The following ATP8B1 variants were observed in gnomAD, a reference collection of about 807,000 sequenced individuals.
ATP8B1 encodes phospholipid-transporting ATPase IC.
In ATP8B1, 80 loss-of-function variants were observed where a neutral mutation model predicts 149.9. That is an observed-to-expected ratio of 0.53 (90% CI 0.45 to 0.64). The LOEUF (loss-of-function observed/expected upper bound fraction) is 0.64, where lower values mean the gene tolerates loss of function less well. Ranked by LOEUF, ATP8B1 falls within the 30% of genes least tolerant of loss-of-function variation. The pLI is 0.00. For missense variants in ATP8B1, 1,247 were observed against 1,552.6 expected (o/e 0.80, Z 3.31); for synonymous variants, 536 against 562.8 (o/e 0.95, Z 0.67).
chr18:57,776,898 A>G (rs1357920320), intron 1 of ATP8B1, among the ~76,000 whole-genome samples: 1 of 152,030 alleles, frequency 6.6e-6, no homozygotes, highest in African/African-American at 2.4e-5. Flanking sequence ...GATGTCTTCA[A>G]TACTCCAGAT....
At chr18:57,674,386 C>T (rs371206309) in intron 16 of ATP8B1, among the ~76,000 whole-genome samples, 36 of 128,366 alleles carry the variant, frequency 2.8e-4, no homozygotes, top group East Asian at 4.7e-4. Context: ...ATACCAGTTT[C>T]TTTTTTTTTT....
chr18:57,702,765 G>A (rs1913190782), intron 4 of ATP8B1, among the ~76,000 whole-genome samples: 1 of 151,762 alleles, frequency 6.6e-6, no homozygotes, highest in African/African-American at 2.4e-5. Context: ...GCTGAGGCAG[G>A]AGAATAGCTT....
rs150656927 is a variant in ATP8B1, at chr18:57,783,830, G to C, written c.-26+19168C>G. Among the ~76,000 whole-genome samples the C allele has an allele frequency of 6.1e-3, 917 of 151,354 alleles. 8 individuals carry two copies. The highest frequency in any genetic ancestry group is 0.018 in the African/African-American group (758 of 41,160). On this transcript the variant is annotated intron_variant, in intron 1 of 27. Coordinates refer to ENST00000648908, the MANE Select transcript of ATP8B1 (RefSeq NM_001374385.1). ...AGCCTGGGTGGCAGAGTGAGACCCC[G>C]TCTTAAAAAAAAAATAAAAATAATA...
chr18:57,739,297 C>T (rs1411602994), intron 1 of ATP8B1, among the ~76,000 whole-genome samples: 1 of 152,124 alleles, frequency 6.6e-6, no homozygotes, highest in Non-Finnish European at 1.5e-5. Flanking sequence ...CATGCCTGGC[C>T]AATTTCTTAT....
intron 15 of ATP8B1, among the ~76,000 whole-genome samples, 161 bp from the exon 16 acceptor site, chr18:57,675,183 T>G (rs1911520864): frequency 6.6e-6 from 1 of 152,252 alleles, no homozygotes; most frequent in Admixed American, 6.5e-5. Flanking sequence ...ATGCCAAGAT[T>G]AAAACTTCTT....
At position 57,688,433 on chromosome 18, in the gene ATP8B1, G is replaced by A. The variant is rs1912367709; in HGVS notation, c.1295C>T (p.Thr432Ile). 1 of 1,614,200 alleles carries A rather than the reference G, an allele frequency of 6.2e-7. No homozygotes were observed. The highest frequency in any genetic ancestry group is 8.5e-7 in the Non-Finnish European group (1 of 1,180,042). Residue 432 changes from threonine to isoleucine, a missense_variant, in exon 13 of 28, where the codon ACA becomes ATA. By Grantham distance (89) the Thr-to-Ile change is moderately conservative. Coordinates refer to ENST00000648908, the MANE Select transcript of ATP8B1 (RefSeq NM_001374385.1). ...TGTGGTGGTTCTAGCTTTTGCGGGTGTGTCCTTCTCAGCATAGTACATTTG... is the reference window on the plus strand; with the variant it reads ...TGTGGTGGTTCTAGCTTTTGCGGGTATGTCCTTCTCAGCATAGTACATTTG... ...DLQMYYAEKD[T>I]PAKARTTTLN...
intron 1 of ATP8B1, among the ~76,000 whole-genome samples, chr18:57,770,056 T>G (rs1485491956): frequency 7.0e-6 from 1 of 142,454 alleles, no homozygotes; most frequent in African/African-American, 2.5e-5. Context: ...TGCTGAGAAC[T>G]GCTGAACTGC....
intron 5 of ATP8B1, 35 bp from the exon 6 acceptor site, chr18:57,701,135 C>T (rs768469051): frequency 8.7e-6 from 14 of 1,612,954 alleles, no homozygotes; most frequent in Non-Finnish European, 1.2e-5. Flanking sequence ...CTGTTTTAAA[C>T]ATCTCAATAG....
In ATP8B1 at chr18:57,778,102, C is replaced by T. The variant is rs75542368; in HGVS notation, c.-26+24896G>A. Among the ~76,000 whole-genome samples the T allele has an allele frequency of 8.9e-3, 1,360 of 152,276 alleles. 23 individuals are homozygous for T. The highest frequency in any genetic ancestry group is 0.032 in the African/African-American group (1,324 of 41,548). On this transcript the variant is annotated intron_variant, in intron 1 of 27. Transcript: ENST00000648908. ...AGATAGTGAGCTCCCCACATGCAAG[C>T]GGCAACTTTAATTGTACCTTAAATC...
intron 8 of ATP8B1, among the ~76,000 whole-genome samples, chr18:57,696,774 G>A (rs962952604): frequency 6.6e-6 from 1 of 152,164 alleles, no homozygotes; most frequent in African/African-American, 2.4e-5. Flanking sequence ...TTCCTCATGG[G>A]TAATACAGAC....
chr18:57,661,581 CAAAT>C (rs1910408094), intron 21 of ATP8B1, 119 bp from the exon 22 acceptor site: 6 of 1,092,026 alleles, frequency 5.5e-6, no homozygotes, highest in South Asian at 3.0e-5. Context: ...TTATATTTGA[CAAAT>C]AAATTTGATT....
intron 1 of ATP8B1, among the ~76,000 whole-genome samples, chr18:57,791,630 C>T (rs66949035): frequency 0.15 from 23,399 of 152,116 alleles, 2,159 homozygotes; most frequent in South Asian, 0.21. Flanking sequence ...AGGCATAAGC[C>T]ACCGTGCTCA....
At chr18:57,764,287 TTTC>T (rs752045109) in intron 1 of ATP8B1, among the ~76,000 whole-genome samples, 23 of 151,380 alleles carry the variant, frequency 1.5e-4, no homozygotes, top group East Asian at 3.9e-4. Flanking sequence ...TCCTTCTTTC[TTTC>T]TTCTTTTCTT....
chr18:57,754,040 C>T (rs1568055115), intron 1 of ATP8B1, among the ~76,000 whole-genome samples: 1 of 147,734 alleles, frequency 6.8e-6, no homozygotes, highest in Non-Finnish European at 1.5e-5. Context: ...GAGTCAGGGC[C>T]ACTCCATTTG....
intron 1 of ATP8B1, among the ~76,000 whole-genome samples, chr18:57,779,897 C>CA (rs35023925): frequency 0.36 from 38,756 of 107,396 alleles, 5,962 homozygotes; most frequent in Middle Eastern, 0.51. Flanking sequence ...AACTCCGTCT[C>CA]AAAAAAAAAA....
intron 1 of ATP8B1, among the ~76,000 whole-genome samples, chr18:57,746,189 C>T (rs1200398933): frequency 6.6e-6 from 1 of 152,150 alleles, no homozygotes; most frequent in African/African-American, 2.4e-5. Flanking sequence ...AAATAATCTG[C>T]AATTAATAAT....
chr18:57,753,966 A>C (rs1272558479), intron 1 of ATP8B1, among the ~76,000 whole-genome samples: 1 of 150,898 alleles, frequency 6.6e-6, no homozygotes, highest in Non-Finnish European at 1.5e-5. Flanking sequence ...AGAAAAGAAA[A>C]AAAAAAAGAT....
Position 57,652,733 on chromosome 18 carries a change from A to C in ATP8B1, c.3016-4T>G, listed in dbSNP as rs1599067812. 1 of 1,614,026 alleles carries C rather than the reference A, an allele frequency of 6.2e-7. No homozygotes were observed. The highest frequency in any genetic ancestry group is 1.7e-5 in the Admixed American group (1 of 59,998). ...GGCTCAGTTTGTCACTCACATCCTT[A>C]AGGAGAAAACAAAATGATGGTATTT... On this transcript the variant is annotated splice_region_variant and splice_polypyrimidine_tract_variant and intron_variant, in intron 24 of 27. Coordinates refer to ENST00000648908, the MANE Select transcript of ATP8B1 (RefSeq NM_001374385.1).
At chr18:57,724,482 C>CA (rs1463256674) in intron 2 of ATP8B1, among the ~76,000 whole-genome samples, 22 of 151,884 alleles carry the variant, frequency 1.4e-4, no homozygotes, top group Non-Finnish European at 2.9e-4. Flanking sequence ...TTTATGCAGC[C>CA]AAAAAACACA....
Sources: allele counts gnomAD v4.1 joint callset (sites outside exome capture counted in the v4.1 genomes callset), GRCh38; gene constraint gnomAD v4.1.1; transcripts MANE v1.5; gene names NCBI Gene and HGNC (gene_info 2026-07-23, HGNC 2026-07-21).